The following MYO6 variants were observed in gnomAD, a reference collection of about 807,000 sequenced individuals.
MYO6 encodes myosin VI.
A neutral mutation model predicts 178.7 loss-of-function variants in MYO6; 74 were observed. The ratio of observed to expected loss-of-function variants is 0.41; its 90% CI spans 0.34 to 0.50. The LOEUF is 0.50. MYO6 is among the 20% of genes least tolerant of loss of function. MYO6 has a pLI of 0.09. For synonymous variants in MYO6, 477 were observed against 504.6 expected (o/e 0.95, Z 0.73); for missense variants, 1,330 against 1,547.4 (o/e 0.86, Z 2.36).
At chr6:75,867,989 GTTATAT>G (rs1241501688) in intron 18 of MYO6, among the ~76,000 whole-genome samples, 2 of 151,948 alleles carry the variant, frequency 1.3e-5, no homozygotes, top group African/African-American at 2.4e-5. Context: ...GAGTATTATT[GTTATAT>G]TTATAATAAA....
At chr6:75,814,250 A>G (rs1383778594) in intron 1 of MYO6, among the ~76,000 whole-genome samples, 2 of 152,122 alleles carry the variant, frequency 1.3e-5, no homozygotes, top group African/African-American at 2.4e-5. Context: ...TTCTCTCACC[A>G]TACCACCATT....
intron 18 of MYO6, chr6:75,867,377 T>C (rs536548335): frequency 6.6e-4 from 208 of 315,560 alleles, no homozygotes; most frequent in African/African-American, 4.4e-3. Flanking sequence ...TACTGTCTGG[T>C]TGACCTTCAA....
intron 1 of MYO6, among the ~76,000 whole-genome samples, chr6:75,784,497 G>C (rs758735465): frequency 6.6e-6 from 1 of 151,830 alleles, no homozygotes; most frequent in Non-Finnish European, 1.5e-5. Flanking sequence ...AAGTTTGCCC[G>C]GCGCGGTGGC....
At chr6:75,761,592 A>AAC (rs3057486) in intron 1 of MYO6, among the ~76,000 whole-genome samples, 24,353 of 142,882 alleles carry the variant, frequency 0.17, 2,002 homozygotes, top group Middle Eastern at 0.2. Context: ...GGGCTGTTAG[A>AAC]ACACACACAC....
rs571752124 is a variant in MYO6 at position 75,851,858 on chromosome 6, T to A, written c.1079-3281T>A. Among the ~76,000 whole-genome samples, 186 of 152,216 alleles carry A rather than the reference T, an allele frequency of 1.2e-3. 2 individuals carry two copies. Among genetic ancestry groups the A allele is most frequent in the African/African-American group, 4.4e-3 (183 of 41,550 alleles). On this transcript the variant is annotated intron_variant, in intron 11 of 34. Transcript: ENST00000369977. ...TCTCCAAAAAAATTTGGTATTTTTATAATTATTCTACTGGAAAGATTATTC... is the reference window on the plus strand; with the variant it reads ...TCTCCAAAAAAATTTGGTATTTTTAAAATTATTCTACTGGAAAGATTATTC...
intron 23 of MYO6, among the ~76,000 whole-genome samples, chr6:75,882,083 C>T (rs995001296): frequency 2.0e-5 from 3 of 152,062 alleles, no homozygotes; most frequent in Non-Finnish European, 2.9e-5. Context: ...CTCTCGTCCC[C>T]GCACCCCTCA....
At chr6:75,792,516 G>C (rs1170501368) in intron 1 of MYO6, among the ~76,000 whole-genome samples, 12 of 152,142 alleles carry the variant, frequency 7.9e-5, no homozygotes, top group Non-Finnish European at 1.5e-4. Flanking sequence ...TATTTAGAGT[G>C]GTAGAGCTTC....
At chr6:75,791,550 A>T (rs989576745) in intron 1 of MYO6, among the ~76,000 whole-genome samples, 2 of 152,208 alleles carry the variant, frequency 1.3e-5, no homozygotes, top group Non-Finnish European at 2.9e-5. Context: ...AAATGATAAA[A>T]CAAAGATTCT....
intron 1 of MYO6, among the ~76,000 whole-genome samples, chr6:75,806,020 C>A (rs1023434129): frequency 6.6e-6 from 1 of 151,972 alleles, no homozygotes; most frequent in Non-Finnish European, 1.5e-5. Context: ...ATTAACATAT[C>A]TGAAAGAATT....
chr6:75,853,398 C>T (rs1193701327), intron 11 of MYO6, among the ~76,000 whole-genome samples: 2 of 152,086 alleles, frequency 1.3e-5, no homozygotes, highest in Non-Finnish European at 2.9e-5. Context: ...ATATCAAAGA[C>T]ATGAAGATTT....
At chr6:75,911,831 C>A in intron 33 of MYO6, 133 bp downstream of exon 33, 1 of 792,744 alleles carries the variant, frequency 1.3e-6, no homozygotes, top group Non-Finnish European at 2.2e-6. Context: ...TTGTTATATC[C>A]ATACTAAGAT....
intron 20 of MYO6, among the ~76,000 whole-genome samples, chr6:75,877,690 G>A (rs1777673052): frequency 6.6e-6 from 1 of 151,974 alleles, no homozygotes; most frequent in Non-Finnish European, 1.5e-5. Flanking sequence ...AGGGGTGCCA[G>A]CTCTGCACCG....
intron 26 of MYO6, among the ~76,000 whole-genome samples, chr6:75,890,712 A>G (rs1778838287): frequency 2.0e-5 from 3 of 152,234 alleles, no homozygotes; most frequent in Admixed American, 2.0e-4. Context: ...AATTGAGAGA[A>G]TAAGGTCATT....
At position 75,915,585 on chromosome 6, in the gene MYO6, C is replaced by G. The variant is rs1403435944; in HGVS notation, c.*573C>G. The G allele has an allele frequency of 6.3e-6, 1 of 159,634 alleles. No homozygotes were observed. The highest frequency in any genetic ancestry group is 2.4e-5 in the African/African-American group (1 of 41,406). 9.9% of individuals were successfully genotyped at this position (159,634 alleles called of 1,614,324 possible). A position where few individuals can be genotyped will look rare whatever the true frequency, so the allele number is the denominator to read the frequency against. On this transcript the variant is annotated 3_prime_UTR_variant, in exon 35 of 35. Coordinates refer to ENST00000369977, the MANE Select transcript of MYO6 (RefSeq NM_004999.4). ...AGTTTGAATGAAACACTTCGAAGTT[C>G]TAGAATTCTAGAAAGAGCCTTAATG...
chr6:75,795,926 A>G (rs2150101487), intron 1 of MYO6, among the ~76,000 whole-genome samples: 1 of 152,288 alleles, frequency 6.6e-6, no homozygotes, highest in South Asian at 2.1e-4. Context: ...GCTCTACTGA[A>G]TTTGCTTTTT....
chr6:75,904,115 T>C (rs1326385831), intron 30 of MYO6, among the ~76,000 whole-genome samples: 1 of 152,172 alleles, frequency 6.6e-6, no homozygotes, highest in Non-Finnish European at 1.5e-5. Flanking sequence ...TCTGATGGGC[T>C]TCCCTTTGAG....
At chr6:75,834,332 A>G (rs1447968365) in intron 6 of MYO6, among the ~76,000 whole-genome samples, 1 of 152,022 alleles carries the variant, frequency 6.6e-6, no homozygotes, top group Non-Finnish European at 1.5e-5. Context: ...TCCTGGGGCC[A>G]AGTGATCCTC....
At chr6:75,763,813 T>G (rs561982257) in intron 1 of MYO6, among the ~76,000 whole-genome samples, 55 of 152,328 alleles carry the variant, frequency 3.6e-4, no homozygotes, top group Non-Finnish European at 7.5e-4. Context: ...TTTAGAGAGA[T>G]AACTTAAAAA....
Position 75,890,371 on chromosome 6 carries a change from G to T in MYO6, c.2867+106G>T, listed in dbSNP as rs535513528. Reference sequence around the variant, plus strand: ...TTTGTTTTGTTTTGTTTTTGTGACAGGGTCTTGCTCTGTTGCCCAGGCTGG... The same window carrying T: ...TTTGTTTTGTTTTGTTTTTGTGACATGGTCTTGCTCTGTTGCCCAGGCTGG... On this transcript the variant is annotated intron_variant, in intron 26 of 34. Coordinates refer to ENST00000369977, the MANE Select transcript of MYO6 (RefSeq NM_004999.4). 1.1e-5 allele frequency: 17 copies of T among 1,504,192 alleles called. No homozygotes were observed. In the East Asian group the frequency reaches 3.9e-4, roughly 35 times the overall value. The allele number at this position is 1,504,192 out of a possible 1,614,324, so 93.2% of individuals were successfully genotyped here.
Sources: gnomAD v4.1 joint callset for allele counts (sites outside exome capture counted in the v4.1 genomes callset) on GRCh38, gnomAD v4.1.1 for gene constraint, MANE v1.5 for transcripts, NCBI Gene and HGNC (gene_info 2026-07-23, HGNC 2026-07-21) for gene names.